Variants in DDX19A observed in about 807,000 individuals in gnomAD.
DDX19A encodes the protein ATP-dependent RNA helicase DDX19A.
Under a neutral mutation model 60.6 loss-of-function variants are expected in DDX19A, and 12 were observed. That is an observed-to-expected ratio of 0.20 (90% CI 0.13 to 0.32). DDX19A has a LOEUF of 0.32. DDX19A is among the 10% of genes least tolerant of loss of function. The pLI is 1.00. For missense variants in DDX19A, 337 were observed against 600.6 expected, an observed-to-expected ratio of 0.56 and a Z score of 4.59; for synonymous variants, 206 against 218.2, an observed-to-expected ratio of 0.94 and a Z score of 0.49.
At chr16:70,347,218 C>G in intron 1 of DDX19A, 170 bp downstream of exon 1, 1 of 651,682 alleles carries the variant, frequency 1.5e-6, no homozygotes, top group South Asian at 1.8e-5. Context: ...AGACCAATGT[C>G]GAGCTTTTTA....
Position 70,366,831 on chromosome 16 carries a change from C to T in DDX19A, c.990C>T (p.Ile330=), listed in dbSNP as rs780609597. The part of the protein sequence containing the change: ...FQALCNLYGA[I]TIAQAMIFCH... Reference sequence around the variant, plus strand: ...CCTTGTGTAACCTCTACGGGGCCATCACCATTGCTCAAGCCATGATCTTCT... The same window carrying T: ...CCTTGTGTAACCTCTACGGGGCCATTACCATTGCTCAAGCCATGATCTTCT... The change falls in exon 9 of 12, where the codon ATC becomes ATT. Residue 330 remains isoleucine, a synonymous_variant. Coordinates refer to ENST00000302243, the MANE Select transcript of DDX19A (RefSeq NM_018332.5). The T allele has an allele frequency of 5.0e-6, 8 of 1,613,884 alleles. No homozygotes were observed. The highest frequency in any genetic ancestry group is 2.2e-5 in the East Asian group (1 of 44,886).
At position 70,350,603 on chromosome 16, in the gene DDX19A, A is replaced by G. The variant is rs1040625855; in HGVS notation, c.104A>G (p.Asn35Ser). 5.0e-5 allele frequency: 81 copies of G among 1,610,584 alleles called. No homozygotes were observed. The highest frequency in any genetic ancestry group is 6.3e-5 in the Non-Finnish European group (74 of 1,178,052). ...IKEEKVKADTNGIIKTSTTAE... is the reference protein window; with the variant it reads ...IKEEKVKADTSGIIKTSTTAE... ...GAAGAGAAAGTCAAAGCAGATACCA[A>G]TGGTGAGTCACTAGTAACTACAAGC... The change falls in exon 2 of 12, where the codon AAT becomes AGT. Residue 35 changes from asparagine to serine, a missense_variant and splice_region_variant. Physicochemically the swap from Asn to Ser is conservative, Grantham distance 46 (BLOSUM62 1). Coordinates refer to ENST00000302243, the MANE Select transcript of DDX19A (RefSeq NM_018332.5).
chr16:70,365,389 CA>C, intron 7 of DDX19A: 1 of 265,676 alleles, frequency 3.8e-6, no homozygotes, highest in Admixed American at 5.0e-5. Context: ...GTTCTTCGCT[CA>C]GAAGGTAGAG....
chr16:70,358,380 G>C (rs2151635734), intron 4 of DDX19A, among the ~76,000 whole-genome samples: 1 of 151,972 alleles, frequency 6.6e-6, no homozygotes, highest in East Asian at 1.9e-4. Context: ...GTGTTGGCCA[G>C]GTTGCTCCTG....
intron 7 of DDX19A, chr16:70,365,584 G>A (rs551306376): frequency 4.5e-5 from 9 of 200,302 alleles, no homozygotes; most frequent in Non-Finnish European, 8.2e-5. Flanking sequence ...CACATGGTTC[G>A]AGACCAGCCT....
rs779220776 is a variant in DDX19A, at chr16:70,347,603, TA to T, written c.57+556del. Among the ~76,000 whole-genome samples the T allele has an allele frequency of 2.0e-4, 30 of 152,308 alleles. 1 individual carries two copies. The highest frequency in any genetic ancestry group is 8.3e-4 in the South Asian group (4 of 4,832). On this transcript the variant is annotated intron_variant, in intron 1 of 11. Coordinates refer to ENST00000302243, the MANE Select transcript of DDX19A (RefSeq NM_018332.5). The stretch of plus-strand genomic sequence containing the variant: ...AATATTCATTCAACTGGAATGTAAT[TA>T]CAGCATACACTGTGGCTTTCTGTTC...
chr16:70,350,167 C>T (rs950552720), intron 1 of DDX19A, among the ~76,000 whole-genome samples: 1 of 152,076 alleles, frequency 6.6e-6, no homozygotes, highest in Non-Finnish European at 1.5e-5. Context: ...GTGGGAGGAT[C>T]GCTAGAACCC....
intron 9 of DDX19A, 95 bp downstream of exon 9, chr16:70,366,956 A>G (rs1371294487): frequency 7.1e-7 from 1 of 1,408,922 alleles, no homozygotes; most frequent in Non-Finnish European, 9.9e-7. Flanking sequence ...CGCCATGGAA[A>G]GAAGGGAAGT....
At chr16:70,363,686 G>C (rs113349739) in intron 5 of DDX19A, 1 of 151,848 alleles carries the variant, frequency 6.6e-6, no homozygotes, top group Non-Finnish European at 1.5e-5. Context: ...GGCCAGGCTG[G>C]TGTCGAACTC....
At chr16:70,357,366 GTTTTTTTTTTTTTT>G (rs71151183) in intron 4 of DDX19A, among the ~76,000 whole-genome samples, 28 of 44,572 alleles carry the variant, frequency 6.3e-4, no homozygotes, top group East Asian at 1.5e-3. Context: ...TTTTTGGTTT[GTTTTTTTTTTTTTT>G]TTTTTTTTTT....
At chr16:70,362,081 AG>A (rs1434818126) in intron 5 of DDX19A, among the ~76,000 whole-genome samples, 1 of 150,940 alleles carries the variant, frequency 6.6e-6, no homozygotes, top group African/African-American at 2.4e-5. Context: ...AGGCTAAGGC[AG>A]GAGAATTGCT....
intron 4 of DDX19A, among the ~76,000 whole-genome samples, chr16:70,357,082 A>G (rs1445855264): frequency 6.6e-6 from 1 of 151,010 alleles, no homozygotes; most frequent in Non-Finnish European, 1.5e-5. Context: ...CCCTGTCTCC[A>G]CTAAAAATAC....
At chr16:70,371,189 CTCT>C (rs1451980195) in intron 10 of DDX19A, 180 bp from the exon 11 acceptor site, 1 of 1,058,480 alleles carries the variant, frequency 9.4e-7, no homozygotes, top group Non-Finnish European at 1.4e-6. Context: ...TGCCAAAGTT[CTCT>C]TCTTTTCCTC....
Position 70,366,767 on chromosome 16 carries a change from A to G in DDX19A, c.926A>G (p.Tyr309Cys). 6.2e-7 allele frequency: 1 copy of G among 1,614,246 alleles called. No individual in the cohort carries two copies. The highest frequency in any genetic ancestry group is 8.5e-7 in the Non-Finnish European group (1 of 1,180,044). ...EEETLDTIKQ[Y>C]YVLCSSRDEK... ...GAGACCCTGGATACCATCAAGCAGT[A>G]CTATGTCCTGTGCAGCAGCAGAGAC... is the stretch of plus-strand genomic sequence containing the variant. The change falls in exon 9 of 12, where the codon TAC becomes TGC. Residue 309 changes from tyrosine to cysteine, a missense_variant. Around this residue, in one of 6 missense-constraint regions of DDX19A, gnomAD observed 117 missense variants for 274.3 expected, o/e 0.43. Transcript: ENST00000302243.
chr16:70,368,276 T>A (rs954888100), intron 9 of DDX19A, among the ~76,000 whole-genome samples: 1 of 147,192 alleles, frequency 6.8e-6, no homozygotes, highest in Non-Finnish European at 1.5e-5. Flanking sequence ...AAAAGTATTC[T>A]TTTTTTTTTT....
intron 5 of DDX19A, among the ~76,000 whole-genome samples, chr16:70,362,422 A>G (rs1263621777): frequency 6.8e-6 from 1 of 148,064 alleles, no homozygotes; most frequent in Non-Finnish European, 1.5e-5. Flanking sequence ...AAAAACAAAC[A>G]AAATATTATT....
intron 1 of DDX19A, 107 bp downstream of exon 1, chr16:70,347,155 C>T (rs1017292665): frequency 1.7e-5 from 19 of 1,119,774 alleles, no homozygotes; most frequent in Non-Finnish European, 2.5e-5. Flanking sequence ...GCAACGCGCT[C>T]CTGCAGTTTG....
At chr16:70,360,028 C>G (rs2151637014) in intron 4 of DDX19A, among the ~76,000 whole-genome samples, 1 of 152,188 alleles carries the variant, frequency 6.6e-6, no homozygotes, top group East Asian at 1.9e-4. Context: ...CGCCTGTAAT[C>G]CTAGCACTTT....
In DDX19A at chr16:70,355,370, C is replaced by G; in HGVS notation, c.107-115C>G. The G allele has an allele frequency of 9.7e-6, 8 of 827,128 alleles. No individual in the cohort carries two copies. The South Asian group carries it at 9.9e-5, about 10-fold the overall frequency. 51.2% of individuals were successfully genotyped at this position (827,128 alleles called of 1,614,324 possible). A position where few individuals can be genotyped will look rare whatever the true frequency, so the allele number is the denominator to read the frequency against. ...AGCCTTGGGCTACAAGAGGAAAACT[C>G]CGTCTGAAAAATAAAAAAATAAAAT... On this transcript the variant is annotated intron_variant, in intron 2 of 11. Transcript: ENST00000302243.
Sources: gnomAD v4.1 joint callset for allele counts (sites outside exome capture counted in the v4.1 genomes callset) on GRCh38, gnomAD v4.1.1 for gene constraint, gnomAD v4.1.1 regional missense constraint, MANE v1.5 for transcripts, NCBI Gene and HGNC (gene_info 2026-07-23, HGNC 2026-07-21) for gene names.